Variants in GPC6 observed in about 807,000 individuals in gnomAD.
The protein encoded by GPC6 is glypican 6.
A neutral mutation model predicts 55.2 loss-of-function variants in GPC6; 14 were observed. That is an observed-to-expected ratio of 0.25 (90% confidence interval 0.17 to 0.40). GPC6 has a LOEUF of 0.40. Among genes scored for constraint, GPC6 ranks in the 10% least tolerant of loss-of-function variants. The pLI is 1.00. For synonymous variants in GPC6, 278 were observed against 259.6 expected (o/e 1.07, Z -0.68); for missense variants, 641 against 708.5 (o/e 0.90, Z 1.08).
intron 2 of GPC6, among the ~76,000 whole-genome samples, chr13:93,546,160 G>T (rs1874775990): frequency 6.6e-6 from 1 of 152,192 alleles, no homozygotes; most frequent in Non-Finnish European, 1.5e-5. Context: ...AGTGCTCTAA[G>T]AAATGAATGT....
chr13:93,694,159 A>G (rs1329189554), intron 2 of GPC6, among the ~76,000 whole-genome samples: 1 of 152,180 alleles, frequency 6.6e-6, no homozygotes, highest in Non-Finnish European at 1.5e-5. Context: ...GAAATAAAAA[A>G]CATGCAACAT....
intron 5 of GPC6, among the ~76,000 whole-genome samples, chr13:94,297,449 T>G (rs1875406354): frequency 6.6e-6 from 1 of 152,112 alleles, no homozygotes; most frequent in East Asian, 1.9e-4. Flanking sequence ...TAGGGCTTTT[T>G]TCCTCTCCAC....
intron 3 of GPC6, among the ~76,000 whole-genome samples, chr13:93,953,562 A>G (rs1379542489): frequency 6.6e-6 from 1 of 151,960 alleles, no homozygotes; most frequent in Non-Finnish European, 1.5e-5. Flanking sequence ...TACTCATTTG[A>G]CTTTTCTTCC....
chr13:94,159,376 T>A (rs1389567023), intron 4 of GPC6, among the ~76,000 whole-genome samples: 1 of 152,132 alleles, frequency 6.6e-6, no homozygotes, highest in East Asian at 1.9e-4. Context: ...GACTCACAGC[T>A]CCACGTGGTT....
At chr13:94,076,574 T>C (rs1236296059) in intron 4 of GPC6, among the ~76,000 whole-genome samples, 1 of 151,986 alleles carries the variant, frequency 6.6e-6, no homozygotes, top group Non-Finnish European at 1.5e-5. Context: ...TCAAGAAGCT[T>C]TTCCTGTGTG....
intron 6 of GPC6, among the ~76,000 whole-genome samples, chr13:94,309,737 C>T (rs905500210): frequency 2.6e-5 from 4 of 152,120 alleles, no homozygotes; most frequent in African/African-American, 7.2e-5. Flanking sequence ...CAGTCCCTAC[C>T]GCCAACAGCC....
At chr13:93,715,877 G>C (rs1446699200) in intron 2 of GPC6, among the ~76,000 whole-genome samples, 1 of 151,534 alleles carries the variant, frequency 6.6e-6, no homozygotes, top group African/African-American at 2.4e-5. Context: ...AAGATTGCCA[G>C]GTGTGATCTG....
chr13:93,796,488 G>A (rs1886200680), intron 2 of GPC6, among the ~76,000 whole-genome samples: 1 of 151,958 alleles, frequency 6.6e-6, no homozygotes, highest in Admixed American at 6.6e-5. Flanking sequence ...CATTTTGATA[G>A]AAAACACTAT....
intron 1 of GPC6, among the ~76,000 whole-genome samples, chr13:93,385,472 T>A (rs536024645): frequency 6.6e-6 from 1 of 152,204 alleles, no homozygotes; most frequent in East Asian, 1.9e-4. Flanking sequence ...AAAAAATGGT[T>A]TAGAGGCACC....
At chr13:93,526,426 C>G (rs569638763) in intron 1 of GPC6, among the ~76,000 whole-genome samples, 2 of 151,930 alleles carry the variant, frequency 1.3e-5, no homozygotes, top group Non-Finnish European at 2.9e-5. Flanking sequence ...TGTGCAGGAG[C>G]CCTGAGAAGG....
intron 1 of GPC6, among the ~76,000 whole-genome samples, chr13:93,380,501 G>C (rs1436656389): frequency 6.6e-6 from 1 of 152,142 alleles, no homozygotes; most frequent in Non-Finnish European, 1.5e-5. Flanking sequence ...TGTTTTCAAA[G>C]ATCTAGAGAA....
At chr13:93,721,130 G>A (rs1309454515) in intron 2 of GPC6, among the ~76,000 whole-genome samples, 5 of 151,928 alleles carry the variant, frequency 3.3e-5, no homozygotes, top group African/African-American at 1.2e-4. Context: ...CTAATTTTCT[G>A]TCTCATTGAT....
At chr13:93,757,631 A>G (rs895734340) in intron 2 of GPC6, among the ~76,000 whole-genome samples, 1 of 152,110 alleles carries the variant, frequency 6.6e-6, no homozygotes, top group African/African-American at 2.4e-5. Context: ...CTCCTTGTTC[A>G]TCTCTTTCTA....
chr13:94,339,460 G>C (rs1877906839), intron 6 of GPC6, among the ~76,000 whole-genome samples: 1 of 152,098 alleles, frequency 6.6e-6, no homozygotes, highest in African/African-American at 2.4e-5. Context: ...TGCTCACTCG[G>C]GGCCTGTGAT....
chr13:93,600,508 G>A (rs943159575), intron 2 of GPC6, among the ~76,000 whole-genome samples: 2 of 152,062 alleles, frequency 1.3e-5, no homozygotes, highest in African/African-American at 2.4e-5. Context: ...TATCTAAAAC[G>A]TCTCCAGAAA....
chr13:93,984,640 A>T (rs999361447), intron 3 of GPC6, among the ~76,000 whole-genome samples: 2 of 152,354 alleles, frequency 1.3e-5, no homozygotes, highest in Middle Eastern at 3.4e-3. Flanking sequence ...AAATTAAAAC[A>T]TGTAGCTTTC....
At chr13:93,631,637 T>C (rs1879442065) in intron 2 of GPC6, among the ~76,000 whole-genome samples, 1 of 152,202 alleles carries the variant, frequency 6.6e-6, no homozygotes, top group African/African-American at 2.4e-5. Flanking sequence ...CTTTTGTTTG[T>C]ATTTCATTCT....
chr13:93,724,170 C>A lies in GPC6; in HGVS notation c.320-105984C>A, dbSNP rs913496894. On this transcript the variant is annotated intron_variant, in intron 2 of 8. Coordinates refer to ENST00000377047, the MANE Select transcript of GPC6 (RefSeq NM_005708.5). ...GTACTGGCCATGCTAGCTTCAGATT[C>A]CCTGACTAAATTTTCCCATGTAGGG... Among the ~76,000 whole-genome samples, 23 of 151,892 alleles carry A rather than the reference C, an allele frequency of 1.5e-4. 1 individual carries two copies. In the East Asian group the frequency reaches 4.5e-3, roughly 30 times the overall value.
rs543731018 is a variant in GPC6 at position 93,930,269 on chromosome 13, C to T, written c.712-97460C>T. Among the ~76,000 whole-genome samples the T allele has an allele frequency of 7.0e-4, 52 of 73,768 alleles. No homozygotes were observed. In the South Asian group the frequency reaches 0.016, roughly 22 times the overall value. 48.4% of individuals were successfully genotyped at this position (73,768 alleles called of 152,430 possible). A position where few individuals can be genotyped will look rare whatever the true frequency, so the allele number is the denominator to read the frequency against. ...GAAGGTTTTTAAAGGTTATTGGAAA[C>T]GAAAGGTTTTTTTTTTTTTGTAGAC... On this transcript the variant is annotated intron_variant, in intron 3 of 8. Transcript: ENST00000377047.
Sources: gnomAD v4.1 joint callset for allele counts (sites outside exome capture counted in the v4.1 genomes callset) on GRCh38, gnomAD v4.1.1 for gene constraint, MANE v1.5 for transcripts, NCBI Gene and HGNC (gene_info 2026-07-23, HGNC 2026-07-21) for gene names.